The following C3 variants were observed in gnomAD, a reference collection of about 807,000 sequenced individuals.
C3 encodes the protein C3 and PZP-like alpha-2-macroglobulin domain-containing protein 1.
A neutral mutation model predicts 207.9 loss-of-function variants in C3; 97 were observed. The observed-to-expected ratio is 0.47, with a 90% CI of 0.40 to 0.55. The LOEUF is 0.55. Among genes scored for constraint, C3 ranks in the 20% least tolerant of loss-of-function variants. The probability of loss-of-function intolerance (pLI) is 0.00; values close to 1 mark genes in which losing one functional copy is unlikely to be tolerated. For synonymous variants in C3, 848 were observed against 857.6 expected (o/e 0.99, Z 0.20); for missense variants, 1,684 against 2,171.7 (o/e 0.78, Z 4.46).
chr19:6,689,356 CCTCCCTCTCTCTCTCTCTCTCT>C (rs1918109040), intron 27 of C3, among the ~76,000 whole-genome samples: 4 of 47,200 alleles, frequency 8.5e-5, no homozygotes, highest in African/African-American at 4.9e-4. Flanking sequence ...TCCCTCCCTC[CCTCCCTCTCTCTCTCTCTCTCT>C]CTCTCTCTCT....
intron 19 of C3, among the ~76,000 whole-genome samples, chr19:6,698,672 G>A (rs1474586310): frequency 6.6e-6 from 1 of 152,074 alleles, no homozygotes; most frequent in Non-Finnish European, 1.5e-5. Flanking sequence ...TCGCACCACT[G>A]TGCTCCAGCC....
intron 4 of C3, chr19:6,716,536 T>G (rs1349880979): frequency 1.3e-5 from 2 of 152,238 alleles, no homozygotes; most frequent in Non-Finnish European, 2.9e-5. Flanking sequence ...GCACCTAGCC[T>G]TGTATGATTT....
In C3 at chr19:6,681,401, C is replaced by T. The variant is rs191559744; in HGVS notation, c.4350+540G>A. 4.2e-4 allele frequency among the ~76,000 whole-genome samples: 61 copies of T among 144,842 alleles called. 1 individual carries two copies. Among genetic ancestry groups the T allele is most frequent in the Admixed American group, 3.9e-3 (56 of 14,532 alleles). ...ATAATATTTATGAAAAAAAAATTAG[C>T]TGGGTGCAGTGTCGCAGGCCTGCAG... is the stretch of plus-strand genomic sequence containing the variant. On this transcript the variant is annotated intron_variant, in intron 35 of 40. Coordinates refer to ENST00000245907, the MANE Select transcript of C3 (RefSeq NM_000064.4).
chr19:6,709,865 G>C (rs754832268), intron 13 of C3, 23 bp from the exon 14 acceptor site: 1 of 1,610,230 alleles, frequency 6.2e-7, no homozygotes. Context: ...TGGAGACGCC[G>C]AAAGAAGTCA....
chr19:6,713,132 C>G, intron 9 of C3, 57 bp downstream of exon 9: 1 of 1,605,354 alleles, frequency 6.2e-7, no homozygotes, highest in Non-Finnish European at 8.5e-7. Flanking sequence ...ACCTGGTCTC[C>G]CCTCTCAGAC....
intron 33 of C3, 86 bp from the exon 34 acceptor site, chr19:6,682,315 C>T (rs1335184943): frequency 4.9e-5 from 47 of 956,216 alleles, no homozygotes; most frequent in South Asian, 1.3e-5. Context: ...TCTGATCAGG[C>T]ACTGAGACTT....
Position 6,686,726 on chromosome 19 carries a change from C to T in C3, c.3646+20G>A, listed in dbSNP as rs1213794486. 1.9e-6 allele frequency: 3 copies of T among 1,612,300 alleles called. No individual in the cohort carries two copies. The highest frequency in any genetic ancestry group is 1.7e-5 in the Admixed American group (1 of 60,012). On this transcript the variant is annotated intron_variant, in intron 28 of 40. Transcript: ENST00000245907. ...ACTTCAGCCATGCATCTCCCTTCAC[C>T]CCTCCAGGCCAACCCTCACCTTTGG...
intron 17 of C3, 126 bp downstream of exon 17, chr19:6,706,949 CT>C: frequency 2.9e-6 from 2 of 697,540 alleles, no homozygotes; most frequent in Non-Finnish European, 2.3e-6. Context: ...CAGGGGCCTC[CT>C]CCCCCCTCAG....
chr19:6,697,700 C>T lies in C3; in HGVS notation c.2535G>A (p.Val845=). The T allele has an allele frequency of 6.2e-7, 1 of 1,614,098 alleles. No individual in the cohort carries two copies. Among genetic ancestry groups the T allele is most frequent in the Non-Finnish European group, 8.5e-7 (1 of 1,180,030 alleles). Reference sequence around the variant, plus strand: ...AATTGTAGAGAACGGCTCGGATTTCCACCTGCTCGTTTCGAACAACAGAGT... The same window carrying T: ...AATTGTAGAGAACGGCTCGGATTTCTACCTGCTCGTTTCGAACAACAGAGT... ...LPYSVVRNEQ[V]EIRAVLYNYR... The change falls in exon 20 of 41, where the codon GTG becomes GTA. Residue 845 remains valine (V), a synonymous_variant. Transcript: ENST00000245907.
chr19:6,702,379 T>C, intron 18 of C3, 92 bp downstream of exon 18: 1 of 1,051,084 alleles, frequency 9.5e-7, no homozygotes. Context: ...GGGGTTGCAC[T>C]GTGATTCCAG....
At chr19:6,689,169 CAGAGGCCTAA>C (rs1489438948) in intron 27 of C3, among the ~76,000 whole-genome samples, 1 of 152,132 alleles carries the variant, frequency 6.6e-6, no homozygotes, top group South Asian at 2.1e-4. Flanking sequence ...TGGGACAACT[CAGAGGCCTAA>C]AAATACAGAG....
chr19:6,715,229 C>CTT (rs1250314184), intron 4 of C3, among the ~76,000 whole-genome samples: 4 of 152,164 alleles, frequency 2.6e-5, no homozygotes, highest in African/African-American at 9.7e-5. Flanking sequence ...AATCCCAGCA[C>CTT]TTTGAGAGGC....
At chr19:6,705,810 G>A (rs1871348272) in intron 17 of C3, among the ~76,000 whole-genome samples, 1 of 152,112 alleles carries the variant, frequency 6.6e-6, no homozygotes, top group African/African-American at 2.4e-5. Context: ...GAGTAGCTGG[G>A]ATTACAGGCG....
intron 17 of C3, among the ~76,000 whole-genome samples, chr19:6,704,315 G>A (rs1967729800): frequency 6.6e-6 from 1 of 152,086 alleles, no homozygotes; most frequent in South Asian, 2.1e-4. Flanking sequence ...AACAAAAACA[G>A]CTTGACACTA....
At chr19:6,712,115 G>T in intron 11 of C3, 142 bp downstream of exon 11, 2 of 1,052,212 alleles carry the variant, frequency 1.9e-6, no homozygotes, top group Non-Finnish European at 2.8e-6. Context: ...TATGCAAATG[G>T]CAGGACCCCT....
rs1568213478 is a variant in C3, at chr19:6,689,340, C to CCT, written c.3489+1287_3489+1288dup. ...CTCTCTCTACCTACCTCCCTCCCTC[C>CCT]CTCCCTCCCTCCCTCCCTCCCTCTC... On this transcript the variant is annotated intron_variant, in intron 27 of 40. Coordinates refer to ENST00000245907, the MANE Select transcript of C3 (RefSeq NM_000064.4). 1.2e-4 allele frequency among the ~76,000 whole-genome samples: 6 copies of CCT among 50,758 alleles called. No homozygotes were observed. The South Asian group carries it at 2.6e-3, about 22-fold the overall frequency. 33.3% of individuals were successfully genotyped at this position (50,758 alleles called of 152,430 possible). A position where few individuals can be genotyped will look rare whatever the true frequency, so the allele number is the denominator to read the frequency against.
At chr19:6,698,787 T>A (rs555896028) in intron 19 of C3, among the ~76,000 whole-genome samples, 1 of 152,228 alleles carries the variant, frequency 6.6e-6, no homozygotes, top group Admixed American at 6.5e-5. Context: ...TTATATATTT[T>A]ATTATTTTTT....
In C3 at chr19:6,709,667, G is replaced by A. The variant is rs766589420; in HGVS notation, c.1845+17C>T. 3.1e-6 allele frequency: 5 copies of A among 1,589,296 alleles called. No homozygotes were observed. The African/African-American group carries it at 4.2e-5, about 13-fold the overall frequency. On this transcript the variant is annotated intron_variant, in intron 14 of 40. Transcript: ENST00000245907. The stretch of plus-strand genomic sequence containing the variant: ...GCCTCCGCCTCTTCTCAGCAGCCTT[G>A]GGTCACTGGCCCTTACCTTACTCTG...
chr19:6,679,173 T>C lies in C3; in HGVS notation c.4582A>G (p.Thr1528Ala). 1 of 1,614,204 alleles carries C rather than the reference T, an allele frequency of 6.2e-7. No homozygotes were observed. Among genetic ancestry groups the C allele is most frequent in the Non-Finnish European group, 8.5e-7 (1 of 1,180,036 alleles). Residue 1528 changes from threonine (T) to alanine (A), a missense_variant, in exon 38 of 41, where the codon ACC (threonine) becomes GCC (alanine). Physicochemically the swap from Thr to Ala is moderately conservative, Grantham distance 58. Coordinates refer to ENST00000245907, the MANE Select transcript of C3 (RefSeq NM_000064.4). ...GCCTTGTCCAGCCGTTCTTCCAGGG[T>C]GACCTTGTCATCCGACTTTTGTATG... ...CFIQKSDDKV[T>A]LEERLDKACE...
Sources: allele counts gnomAD v4.1 joint callset (sites outside exome capture counted in the v4.1 genomes callset), GRCh38; gene constraint gnomAD v4.1.1; transcripts MANE v1.5; gene names NCBI Gene and HGNC (gene_info 2026-07-23, HGNC 2026-07-21).